ADAMTS2: variants seen among roughly 807,000 people sequenced by gnomAD.
The protein encoded by ADAMTS2 is A disintegrin and metalloproteinase with thrombospondin motifs 2.
A neutral mutation model predicts 123.0 loss-of-function variants in ADAMTS2; 50 were observed. That is an observed-to-expected ratio of 0.41 (90% CI 0.32 to 0.51). The LOEUF is 0.51. ADAMTS2 is among the 20% of genes least tolerant of loss of function. The pLI, the probability that ADAMTS2 is intolerant of heterozygous loss-of-function variation, is 0.35. For synonymous variants in ADAMTS2, 678 were observed against 695.4 expected, an observed-to-expected ratio of 0.98 and a Z score of 0.39; for missense variants, 1,494 against 1,705.2, an observed-to-expected ratio of 0.88 and a Z score of 2.18.
At chr5:179,337,265 C>G (rs909278119) in intron 2 of ADAMTS2, among the ~76,000 whole-genome samples, 3 of 152,106 alleles carry the variant, frequency 2.0e-5, no homozygotes, top group African/African-American at 7.2e-5. Flanking sequence ...TACCTCAACC[C>G]CACTTAAGGC....
At chr5:179,277,129 G>T (rs886369703) in intron 2 of ADAMTS2, among the ~76,000 whole-genome samples, 5 of 152,114 alleles carry the variant, frequency 3.3e-5, no homozygotes, top group African/African-American at 7.2e-5. Flanking sequence ...AGCACACTGG[G>T]GTCCATCTGA....
At chr5:179,169,727 T>C (rs1372860340) in intron 5 of ADAMTS2, among the ~76,000 whole-genome samples, 1 of 152,102 alleles carries the variant, frequency 6.6e-6, no homozygotes, top group Non-Finnish European at 1.5e-5. Flanking sequence ...CTCTACCCTA[T>C]AGGTGGGTGG....
At chr5:179,116,951 G>C (rs1208948220) in intron 21 of ADAMTS2, among the ~76,000 whole-genome samples, 1 of 152,198 alleles carries the variant, frequency 6.6e-6, no homozygotes, top group Non-Finnish European at 1.5e-5. Context: ...GGAGGGCCTG[G>C]TACCCAGGGG....
chr5:179,277,395 CGAGACCAAAGGCTGACCCCCCG>C (rs1766740503), intron 2 of ADAMTS2, among the ~76,000 whole-genome samples: 3 of 29,842 alleles, frequency 1.0e-4, no homozygotes, highest in African/African-American at 4.0e-4. Flanking sequence ...ACCCCCCCCC[CGAGACCAAAGGCTGACCCCCCG>C]CGAGACCAAA....
intron 3 of ADAMTS2, among the ~76,000 whole-genome samples, chr5:179,221,632 C>T (rs1765128685): frequency 6.6e-6 from 1 of 152,178 alleles, no homozygotes; most frequent in African/African-American, 2.4e-5. Flanking sequence ...CTCCAGGACG[C>T]TCCCATGCCC....
At chr5:179,336,385 C>T (rs1033572232) in intron 2 of ADAMTS2, among the ~76,000 whole-genome samples, 1 of 152,242 alleles carries the variant, frequency 6.6e-6, no homozygotes, top group Non-Finnish European at 1.5e-5. Flanking sequence ...GGAAGACCCC[C>T]GGAGGCGGAC....
chr5:179,339,561 C>T (rs940186514), intron 2 of ADAMTS2, among the ~76,000 whole-genome samples: 8 of 152,170 alleles, frequency 5.3e-5, no homozygotes, highest in African/African-American at 1.4e-4. Context: ...ACAAGTATGG[C>T]GGAGGCTGAG....
In ADAMTS2 at chr5:179,152,973, C is replaced by T. The variant is rs999152130; in HGVS notation, c.1515+518G>A. On this transcript the variant is annotated intron_variant, in intron 9 of 21. Coordinates refer to ENST00000251582, the MANE Select transcript of ADAMTS2 (RefSeq NM_014244.5). ...GCTTCTTTCCTTCATGCAGCAGAGG[C>T]GAGCATTAAGACGCTCATAGACACT... Among the ~76,000 whole-genome samples, 6 of 152,176 alleles carry T rather than the reference C, an allele frequency of 3.9e-5. No homozygotes were observed. The East Asian group carries it at 7.7e-4, about 20-fold the overall frequency.
At chr5:179,287,366 G>A (rs1414560735) in intron 2 of ADAMTS2, among the ~76,000 whole-genome samples, 1 of 152,218 alleles carries the variant, frequency 6.6e-6, no homozygotes, top group Non-Finnish European at 1.5e-5. Context: ...CAAGAATGCT[G>A]CACAGCCGGT....
intron 13 of ADAMTS2, among the ~76,000 whole-genome samples, chr5:179,134,950 C>G (rs1411248266): frequency 8.1e-6 from 1 of 123,520 alleles, no homozygotes; most frequent in Non-Finnish European, 1.7e-5. Context: ...CCGACTCCAG[C>G]TCCAGCTCCC....
intron 21 of ADAMTS2, 50 bp downstream of exon 21, chr5:179,121,611 G>T: frequency 1.4e-6 from 2 of 1,472,234 alleles, no homozygotes; most frequent in Non-Finnish European, 1.9e-6. Flanking sequence ...TCCACAGGGC[G>T]CAGGGCATGC....
chr5:179,226,276 C>CTT (rs112956370), intron 3 of ADAMTS2, among the ~76,000 whole-genome samples: 29,507 of 132,126 alleles, frequency 0.22, 3,892 homozygotes, highest in East Asian at 0.57. Flanking sequence ...TTCCTTCTTT[C>CTT]TTTTTTTTTT....
At chr5:179,121,626 G>A (rs1275536310) in intron 21 of ADAMTS2, 35 bp downstream of exon 21, 1 of 1,560,842 alleles carries the variant, frequency 6.4e-7, no homozygotes, top group Middle Eastern at 1.7e-4. Context: ...GCATGCACTG[G>A]AGGGCAGAGG....
rs907152180 is a variant in ADAMTS2 at position 179,111,537 on chromosome 5, T to A, written c.*2330A>T. On this transcript the variant is annotated 3_prime_UTR_variant, in exon 22 of 22. Transcript: ENST00000251582. ...TGGCACAGAGGGTCATGGCTGTCAG[T>A]CCCAGAGGGCACCTTGCTCCCTTCA... 9.8e-5 allele frequency: 15 copies of A among 152,324 alleles called. No individual in the cohort carries two copies. The highest frequency in any genetic ancestry group is 3.6e-4 in the African/African-American group (15 of 41,576). The allele number at this position is 152,324 out of a possible 1,614,324, so 9.4% of individuals were successfully genotyped here.
At chr5:179,283,954 T>C (rs1047636598) in intron 2 of ADAMTS2, among the ~76,000 whole-genome samples, 10 of 92,540 alleles carry the variant, frequency 1.1e-4, no homozygotes, top group Non-Finnish European at 2.2e-4. Context: ...TGATTATTAT[T>C]ATTATTATTA....
chr5:179,213,759 A>C (rs466750), intron 3 of ADAMTS2, among the ~76,000 whole-genome samples: 49,133 of 152,200 alleles, frequency 0.32, 8,606 homozygotes, highest in Non-Finnish European at 0.41. Flanking sequence ...CGTACCATGT[A>C]ATTGCCAACC....
rs1764446212 is a variant in ADAMTS2, at chr5:179,197,060, T to C, written c.891+10453A>G. 1.3e-5 allele frequency among the ~76,000 whole-genome samples: 2 copies of C among 152,368 alleles called. No individual in the cohort carries two copies. Among genetic ancestry groups the C allele is most frequent in the Admixed American group, 6.5e-5 (1 of 15,306 alleles). Reference sequence around the variant, plus strand: ...TTAATGTAAAACTGATGTTTTAAAATGCTTACCATCCAAAAAAGGGGCCAC... The same window carrying C: ...TTAATGTAAAACTGATGTTTTAAAACGCTTACCATCCAAAAAAGGGGCCAC... On this transcript the variant is annotated intron_variant, in intron 4 of 21. Coordinates refer to ENST00000251582, the MANE Select transcript of ADAMTS2 (RefSeq NM_014244.5). This position sits in a 1 kb window ranked among gnomAD's most constrained non-coding sequence, Gnocchi z 4.2.
chr5:179,296,184 G>A (rs911590936), intron 2 of ADAMTS2, among the ~76,000 whole-genome samples: 1 of 152,186 alleles, frequency 6.6e-6, no homozygotes, highest in African/African-American at 2.4e-5. Flanking sequence ...TGGTCCGTGG[G>A]ACCTCAGCAG....
intron 5 of ADAMTS2, among the ~76,000 whole-genome samples, chr5:179,164,454 C>T (rs1485484796): frequency 6.6e-6 from 1 of 152,128 alleles, no homozygotes; most frequent in Non-Finnish European, 1.5e-5. Flanking sequence ...GTGGCAGGAG[C>T]TGAGAGGCAT....
Sources: allele counts gnomAD v4.1 joint callset (sites outside exome capture counted in the v4.1 genomes callset), GRCh38; gene constraint gnomAD v4.1.1; non-coding constraint Gnocchi (gnomAD v3.1); transcripts MANE v1.5; gene names NCBI Gene and HGNC (gene_info 2026-07-23, HGNC 2026-07-21).